Variants in DAB1 observed in about 807,000 individuals in gnomAD.
DAB1 encodes disabled homolog 1.
Under a neutral mutation model 64.6 loss-of-function variants are expected in DAB1, and 15 were observed. The ratio of observed to expected loss-of-function variants is 0.23; its 90% CI spans 0.16 to 0.36. The LOEUF is 0.36. Among genes scored for constraint, DAB1 ranks in the 10% least tolerant of loss-of-function variants. The pLI is 1.00. For synonymous variants in DAB1, 235 were observed against 251.9 expected (o/e 0.93, Z 0.64); for missense variants, 596 against 706.7 (o/e 0.84, Z 1.78).
intron 7 of DAB1, among the ~76,000 whole-genome samples, chr1:57,586,913 C>T (rs1158854764): frequency 6.6e-6 from 1 of 151,920 alleles, no homozygotes; most frequent in Non-Finnish European, 1.5e-5. Context: ...ACTTTGCTAT[C>T]AATTACAAAG....
At chr1:58,016,409 C>T (rs763184579) in intron 5 of DAB1, among the ~76,000 whole-genome samples, 9 of 152,260 alleles carry the variant, frequency 5.9e-5, no homozygotes, top group Middle Eastern at 3.4e-3. Flanking sequence ...TTGCAGCCCA[C>T]GGCATGTTAA....
At chr1:58,468,257 C>G (rs182777112) in intron 3 of DAB1, 1 of 152,330 alleles carries the variant, frequency 6.6e-6, no homozygotes, top group East Asian at 1.9e-4. Flanking sequence ...CACATATGTA[C>G]TCATCTACAA....
intron 2 of DAB1, among the ~76,000 whole-genome samples, chr1:57,214,599 C>T (rs912671435): frequency 6.6e-6 from 1 of 152,116 alleles, no homozygotes; most frequent in African/African-American, 2.4e-5. Flanking sequence ...AGGGAGCACA[C>T]TTTCTGTTTC....
At chr1:57,192,506 GT>G (rs1192715285) in intron 2 of DAB1, among the ~76,000 whole-genome samples, 6 of 152,186 alleles carry the variant, frequency 3.9e-5, no homozygotes, top group African/African-American at 1.2e-4. Flanking sequence ...ATTGAGAACA[GT>G]GAAAGGAGCA....
intron 6 of DAB1, among the ~76,000 whole-genome samples, chr1:57,706,926 T>C (rs145592677): frequency 2.6e-5 from 4 of 151,546 alleles, no homozygotes; most frequent in Admixed American, 6.6e-5. Context: ...TACAAAAAAT[T>C]AGCCGGGCGT....
intron 4 of DAB1, among the ~76,000 whole-genome samples, chr1:57,106,468 C>A (rs1655168110): frequency 6.6e-6 from 1 of 152,132 alleles, no homozygotes; most frequent in African/African-American, 2.4e-5. Context: ...AAACAACAAG[C>A]ATAACCCATC....
At chr1:57,174,445 T>C (rs1465585131) in intron 2 of DAB1, among the ~76,000 whole-genome samples, 1 of 152,202 alleles carries the variant, frequency 6.6e-6, no homozygotes, top group Non-Finnish European at 1.5e-5. Context: ...AGCAGGCTCA[T>C]AATCTAGTAG....
chr1:58,128,018 G>T (rs529345517), intron 5 of DAB1, among the ~76,000 whole-genome samples: 5 of 151,678 alleles, frequency 3.3e-5, no homozygotes, highest in Admixed American at 6.6e-5. Flanking sequence ...AGCTTGATGG[G>T]GATGGCATTG....
intron 4 of DAB1, among the ~76,000 whole-genome samples, chr1:57,110,106 CAT>C (rs1480671555): frequency 6.6e-6 from 1 of 152,160 alleles, no homozygotes; most frequent in Non-Finnish European, 1.5e-5. Flanking sequence ...AAAGTGGCCA[CAT>C]GTGTCTGTTC....
intron 2 of DAB1, among the ~76,000 whole-genome samples, chr1:57,198,649 TCACACACA>T (rs57872654): frequency 6.1e-4 from 78 of 128,324 alleles, no homozygotes; most frequent in African/African-American, 1.8e-3. Context: ...CTTCTCTCTC[TCACACACA>T]CACACACACA....
rs961371215 is a variant in DAB1, at chr1:58,169,339, C to A, written n.310-18751G>T. On this transcript the variant is annotated intron_variant and non_coding_transcript_variant, in intron 4 of 20. Coordinates refer to the DAB1 transcript ENST00000485760. Reference sequence around the variant, plus strand: ...TATTCCGATCAGCAGGGTCCAGGGACCATTGTGGGTTCTTGGGCAGGGGGA... The same window carrying A: ...TATTCCGATCAGCAGGGTCCAGGGAACATTGTGGGTTCTTGGGCAGGGGGA... Among the ~76,000 whole-genome samples, 3 of 152,056 alleles carry A rather than the reference C, an allele frequency of 2.0e-5. No homozygotes were observed. The South Asian group carries it at 6.2e-4, about 32-fold the overall frequency.
chr1:58,160,232 G>A (rs1370851159), intron 4 of DAB1, among the ~76,000 whole-genome samples: 1 of 152,072 alleles, frequency 6.6e-6, no homozygotes, highest in Non-Finnish European at 1.5e-5. Context: ...CAGTCTGTCT[G>A]TCTCTGAATG....
intron 5 of DAB1, among the ~76,000 whole-genome samples, chr1:58,137,331 C>G (rs993254297): frequency 2.6e-5 from 4 of 152,206 alleles, no homozygotes; most frequent in African/African-American, 9.6e-5. Context: ...TGGCCTGGAA[C>G]CTGTGTCCCC....
At chr1:58,494,324 A>C (rs1385094677) in intron 3 of DAB1, among the ~76,000 whole-genome samples, 1 of 152,094 alleles carries the variant, frequency 6.6e-6, no homozygotes, top group African/African-American at 2.4e-5. Flanking sequence ...CCTAGAAGAA[A>C]ACCTAGGCAA....
At chr1:57,759,929 G>A (rs868226232) in intron 6 of DAB1, among the ~76,000 whole-genome samples, 3 of 152,124 alleles carry the variant, frequency 2.0e-5, no homozygotes, top group Non-Finnish European at 2.9e-5. Context: ...CAAGAGCAAC[G>A]CATTGGAACG....
intron 2 of DAB1, among the ~76,000 whole-genome samples, chr1:57,228,563 G>A (rs1667438622): frequency 6.6e-6 from 1 of 152,134 alleles, no homozygotes. Context: ...TAAAATGTGT[G>A]ACAATACTAA....
intron 7 of DAB1, among the ~76,000 whole-genome samples, chr1:57,546,957 G>A (rs544461735): frequency 2.6e-5 from 4 of 152,096 alleles, no homozygotes; most frequent in Admixed American, 6.5e-5. Flanking sequence ...TTACCTGCAG[G>A]TTCAAATTTT....
intron 4 of DAB1, among the ~76,000 whole-genome samples, chr1:58,285,086 C>T (rs1569601475): frequency 6.6e-6 from 1 of 152,122 alleles, no homozygotes. Flanking sequence ...GCAGAAAAAG[C>T]CTTCGATAAA....
At chr1:57,124,471 C>T (rs1656952003) in intron 4 of DAB1, among the ~76,000 whole-genome samples, 2 of 152,122 alleles carry the variant, frequency 1.3e-5, no homozygotes, top group Admixed American at 6.5e-5. Flanking sequence ...GAGGTTATAA[C>T]TGTCTTGAGT....
Sources: allele counts gnomAD v4.1 joint callset (sites outside exome capture counted in the v4.1 genomes callset), GRCh38; gene constraint gnomAD v4.1.1; transcripts MANE v1.5; gene names NCBI Gene and HGNC (gene_info 2026-07-23, HGNC 2026-07-21).